Variants in TBCD observed in about 807,000 individuals in gnomAD.
TBCD encodes the protein tubulin folding cofactor D.
TBCD carries 105 observed loss-of-function variants against 169.3 expected under a neutral mutation model. The observed-to-expected ratio is 0.62, with a 90% CI of 0.53 to 0.73. The LOEUF (loss-of-function observed/expected upper bound fraction) is 0.73. Ranked by LOEUF, TBCD falls within the 30% of genes least tolerant of loss-of-function variation. The pLI, the probability that TBCD is intolerant of heterozygous loss-of-function variation, is 0.00. For synonymous variants in TBCD, 700 were observed against 643.9 expected (o/e 1.09, Z -1.32); for missense variants, 1,444 against 1,600.1 (o/e 0.90, Z 1.66).
intron 17 of TBCD, among the ~76,000 whole-genome samples, chr17:82,898,841 T>C (rs2059671793): frequency 6.7e-6 from 1 of 148,856 alleles, no homozygotes. Context: ...TGAGACATAA[T>C]TTACACGCTT....
intron 30 of TBCD, 35 bp from the exon 31 acceptor site, chr17:82,929,078 C>T (rs1265378082): frequency 6.3e-7 from 1 of 1,592,078 alleles, no homozygotes; most frequent in Non-Finnish European, 8.5e-7. Context: ...AATTTACCGC[C>T]CGCCCTTGGT....
intron 22 of TBCD, among the ~76,000 whole-genome samples, chr17:82,910,843 G>C (rs1174385813): frequency 6.6e-6 from 1 of 152,228 alleles, no homozygotes; most frequent in Non-Finnish European, 1.5e-5. Context: ...TGGGATTACA[G>C]GCTGAGCCAC....
In TBCD at chr17:82,806,031, C is replaced by T. The variant is rs776354809; in HGVS notation, c.1087+20C>T. ...TGATAGGTGCGTGGGGTCTAAGCGG[C>T]GGCCTCTGCTCTTGGGCACCGTCGG... On this transcript the variant is annotated intron_variant, in intron 10 of 38. Coordinates refer to ENST00000355528, the MANE Select transcript of TBCD (RefSeq NM_005993.5). This position sits in a 1 kb window ranked among gnomAD's most constrained non-coding sequence, Gnocchi z 5.1. 15 of 1,606,420 alleles carry T rather than the reference C, an allele frequency of 9.3e-6. No individual in the cohort carries two copies. Among genetic ancestry groups the T allele is most frequent in the Middle Eastern group, 1.7e-4 (1 of 6,058 alleles).
intron 13 of TBCD, among the ~76,000 whole-genome samples, chr17:82,861,898 T>A (rs573831006): frequency 6.6e-6 from 1 of 152,230 alleles, no homozygotes; most frequent in South Asian, 2.1e-4. Context: ...ACAATTCTTT[T>A]AAAAACCTGA....
intron 10 of TBCD, among the ~76,000 whole-genome samples, chr17:82,807,404 A>G (rs1285913067): frequency 6.6e-6 from 1 of 151,776 alleles, no homozygotes. Context: ...TTTCTTAGGA[A>G]CAGAGAACTT....
intron 34 of TBCD, among the ~76,000 whole-genome samples, chr17:82,936,890 C>G (rs559309131): frequency 6.6e-6 from 1 of 152,202 alleles, no homozygotes. Context: ...CAGTTTCCCC[C>G]GGCTCTGCAG....
intron 13 of TBCD, among the ~76,000 whole-genome samples, chr17:82,848,006 CTGTT>C (rs1212134279): frequency 2.6e-5 from 4 of 152,316 alleles, no homozygotes; most frequent in Admixed American, 2.6e-4. Flanking sequence ...CGGCCCCTGT[CTGTT>C]GCCCCTTTTT....
rs1266883563 is a variant in TBCD at position 82,936,506 on chromosome 17, C to CT, written c.3192-764dup. 5.3e-5 allele frequency among the ~76,000 whole-genome samples: 8 copies of CT among 152,186 alleles called. No individual in the cohort carries two copies. In the East Asian group the frequency reaches 1.5e-3, roughly 29 times the overall value. Reference sequence around the variant, plus strand: ...TCTTACTTGTCTGGTATTGTGTTCTCTCGGGACGTTGCGTTTGAGGGGTCG... The same window carrying CT: ...TCTTACTTGTCTGGTATTGTGTTCTCTTCGGGACGTTGCGTTTGAGGGGTCG... On this transcript the variant is annotated intron_variant, in intron 34 of 38. Transcript: ENST00000355528.
At chr17:82,813,517 G>A (rs931383730) in intron 12 of TBCD, among the ~76,000 whole-genome samples, 15 of 152,156 alleles carry the variant, frequency 9.9e-5, no homozygotes, top group Non-Finnish European at 1.8e-4. Flanking sequence ...CCGGATGGAC[G>A]GACGGCATCC....
In TBCD at chr17:82,806,051, C is replaced by T. The variant is rs757334052; in HGVS notation, c.1087+40C>T. 8.8e-6 allele frequency: 14 copies of T among 1,598,830 alleles called. No individual in the cohort carries two copies. The highest frequency in any genetic ancestry group is 2.2e-5 in the East Asian group (1 of 44,464). On this transcript the variant is annotated intron_variant, in intron 10 of 38. Coordinates refer to ENST00000355528, the MANE Select transcript of TBCD (RefSeq NM_005993.5). This position sits in a 1 kb window ranked among gnomAD's most constrained non-coding sequence, Gnocchi z 5.1. ...AGCGGCGGCCTCTGCTCTTGGGCAC[C>T]GTCGGGCCAATTCCCCTCTACTCCA...
intron 33 of TBCD, chr17:82,932,209 T>G: frequency 3.9e-6 from 1 of 255,294 alleles, no homozygotes; most frequent in Non-Finnish European, 7.6e-6. Context: ...AGATTTATAG[T>G]TTTGGGTTGT....
rs1045861330 is a variant in TBCD, at chr17:82,910,136, C to T, written c.2006+829C>T. On this transcript the variant is annotated intron_variant, in intron 22 of 38. Transcript: ENST00000355528. Reference sequence around the variant, plus strand: ...ACATCTAGACGTACAAGTCTTGGTACGTTTCACGTTTCCTGGCTGACTACC... The same window carrying T: ...ACATCTAGACGTACAAGTCTTGGTATGTTTCACGTTTCCTGGCTGACTACC... Among the ~76,000 whole-genome samples, 21 of 152,330 alleles carry T rather than the reference C, an allele frequency of 1.4e-4. No homozygotes were observed. In the East Asian group the frequency reaches 3.5e-3, roughly 25 times the overall value.
chr17:82,930,740 G>T lies in TBCD; in HGVS notation c.3113+97G>T. On this transcript the variant is annotated intron_variant, in intron 33 of 38. Coordinates refer to ENST00000355528, the MANE Select transcript of TBCD (RefSeq NM_005993.5). The surrounding 1 kb of genome is among the most constrained non-coding windows in gnomAD (Gnocchi z 5.2). ...CCGGGGTCTCGCAGGGTCTGTCTGG[G>T]GTCTGAAGGGAGAAGCGAGACACAC... The T allele has an allele frequency of 6.4e-7, 1 of 1,559,680 alleles. No individual in the cohort carries two copies. The highest frequency in any genetic ancestry group is 8.7e-7 in the Non-Finnish European group (1 of 1,148,724).
chr17:82,928,813 C>G (rs1041894536), intron 30 of TBCD, among the ~76,000 whole-genome samples: 25 of 152,212 alleles, frequency 1.6e-4, no homozygotes, highest in Non-Finnish European at 7.4e-5. Flanking sequence ...GTTGTCCCTG[C>G]TTCAACCCTA....
At chr17:82,872,902 AGCCAGGCCCGGCACCTCGTGGCCGAC>A (rs2057692201) in intron 14 of TBCD, among the ~76,000 whole-genome samples, 2 of 118,430 alleles carry the variant, frequency 1.7e-5, no homozygotes, top group African/African-American at 6.8e-5. Context: ...ACGGCTTCTG[AGCCAGGCCCGGCACCTCGTGGCCGAC>A]GGCTTCTGAG....
Position 82,806,137 on chromosome 17 carries a change from T to G in TBCD, c.1087+126T>G. 1 of 1,307,986 alleles carries G rather than the reference T, an allele frequency of 7.6e-7. No individual in the cohort carries two copies. The highest frequency in any genetic ancestry group is 1.0e-6 in the Non-Finnish European group (1 of 956,440). 81.0% of individuals were successfully genotyped at this position (1,307,986 alleles called of 1,614,324 possible). On this transcript the variant is annotated intron_variant, in intron 10 of 38. Coordinates refer to ENST00000355528, the MANE Select transcript of TBCD (RefSeq NM_005993.5). The surrounding 1 kb of genome is among the most constrained non-coding windows in gnomAD (Gnocchi z 5.1). ...CTGTCTGGCCACCCGTCCCCTTCGCTGAGTGCACGGTCACTGCCCGTCCTC... is the reference window on the plus strand; with the variant it reads ...CTGTCTGGCCACCCGTCCCCTTCGCGGAGTGCACGGTCACTGCCCGTCCTC...
chr17:82,854,101 C>T (rs577609679), intron 13 of TBCD, among the ~76,000 whole-genome samples: 142 of 152,304 alleles, frequency 9.3e-4, no homozygotes, highest in African/African-American at 3.3e-3. Flanking sequence ...ACCCTGACCT[C>T]GATCACTTTC....
At chr17:82,854,913 G>A (rs1051855226) in intron 13 of TBCD, among the ~76,000 whole-genome samples, 7 of 152,236 alleles carry the variant, frequency 4.6e-5, no homozygotes, top group African/African-American at 1.2e-4. Flanking sequence ...GGCCCTGATC[G>A]CATTCATGAA....
At chr17:82,847,923 C>T (rs2055287289) in intron 13 of TBCD, among the ~76,000 whole-genome samples, 1 of 152,228 alleles carries the variant, frequency 6.6e-6, no homozygotes, top group Non-Finnish European at 1.5e-5. Flanking sequence ...AGCCACCGGG[C>T]CGGGCCCACG....
Sources: allele counts gnomAD v4.1 joint callset (sites outside exome capture counted in the v4.1 genomes callset), GRCh38; gene constraint gnomAD v4.1.1; non-coding constraint Gnocchi (gnomAD v3.1); transcripts MANE v1.5; gene names NCBI Gene and HGNC (gene_info 2026-07-23, HGNC 2026-07-21).